DNAH1: variants seen among roughly 807,000 people sequenced by gnomAD.
DNAH1 encodes the protein dynein axonemal heavy chain 1.
A neutral mutation model predicts 484.3 loss-of-function variants in DNAH1; 327 were observed. That is an observed-to-expected ratio of 0.68 (90% CI 0.62 to 0.74). The LOEUF (loss-of-function observed/expected upper bound fraction) is 0.74. DNAH1 is among the 30% of genes least tolerant of loss of function. The pLI is 0.00. For missense variants in DNAH1, 5,052 were observed against 5,546.8 expected (o/e 0.91, Z 2.83); for synonymous variants, 2,192 against 2,191.9 (o/e 1.00, Z 0.00).
intron 8 of DNAH1, among the ~76,000 whole-genome samples, chr3:52,335,540 C>T (rs922270599): frequency 2.6e-5 from 4 of 151,670 alleles, no homozygotes; most frequent in African/African-American, 9.7e-5. Flanking sequence ...AACTCCTGAC[C>T]TCAGGTGATC....
At chr3:52,319,893 C>T (rs957394422) in intron 1 of DNAH1, among the ~76,000 whole-genome samples, 1 of 152,230 alleles carries the variant, frequency 6.6e-6, no homozygotes, top group African/African-American at 2.4e-5. Context: ...GCATCCCCCC[C>T]ACTGCCAGCT....
intron 8 of DNAH1, among the ~76,000 whole-genome samples, chr3:52,334,390 C>T (rs752265449): frequency 6.6e-6 from 1 of 152,194 alleles, no homozygotes; most frequent in Non-Finnish European, 1.5e-5. Context: ...AACGTGAAGA[C>T]CTAGGATATT....
chr3:52,341,915 G>A (rs1361732142), intron 8 of DNAH1, among the ~76,000 whole-genome samples: 1 of 152,196 alleles, frequency 6.6e-6, no homozygotes, highest in African/African-American at 2.4e-5. Flanking sequence ...TTCCAACAAA[G>A]AGCCTGCACC....
rs73072980 is a variant in DNAH1 at position 52,400,079 on chromosome 3, G to T, written c.12677-246G>T. 0.018 allele frequency among the ~76,000 whole-genome samples: 2,751 copies of T among 152,340 alleles called. 38 individuals are homozygous for T. The highest frequency in any genetic ancestry group is 0.029 in the Non-Finnish European group (1,962 of 68,016). On this transcript the variant is annotated intron_variant, in intron 77 of 77. Transcript: ENST00000420323. ...TAACTGAGGCCCAGGGCAGGAACTT[G>T]TTTGGACTAGGTCCATCAGAGAATG...
chr3:52,334,319 A>G (rs537889373), intron 8 of DNAH1, among the ~76,000 whole-genome samples: 2 of 152,356 alleles, frequency 1.3e-5, no homozygotes, highest in African/African-American at 4.8e-5. Context: ...GGCACTTACC[A>G]TGAATGGAGC....
Position 52,398,173 on chromosome 3 carries a change from C to T in DNAH1, c.12089+11C>T, listed in dbSNP as rs551683586. On this transcript the variant is annotated intron_variant, in intron 75 of 77. Coordinates refer to ENST00000420323, the MANE Select transcript of DNAH1 (RefSeq NM_015512.5). ...ACAAGAGGTCATTAGGTAATCACCCCGCCATACCCCTGCCCCGAGTCAGCG... is the reference window on the plus strand; with the variant it reads ...ACAAGAGGTCATTAGGTAATCACCCTGCCATACCCCTGCCCCGAGTCAGCG... 2.6e-5 allele frequency: 41 copies of T among 1,597,450 alleles called. No homozygotes were observed. Among genetic ancestry groups the T allele is most frequent in the Admixed American group, 8.5e-5 (5 of 59,120 alleles).
chr3:52,317,934 C>G (rs948591051), intron 1 of DNAH1: 4 of 152,704 alleles, frequency 2.6e-5, no homozygotes, highest in African/African-American at 9.6e-5. Context: ...GGTTGCGGGG[C>G]CAGCGCGGGC....
Position 52,399,200 on chromosome 3 carries a change from A to C in DNAH1, c.12440A>C (p.Lys4147Thr), listed in dbSNP as rs1704787706. 1.2e-6 allele frequency: 2 copies of C among 1,602,256 alleles called. No homozygotes were observed. The highest frequency in any genetic ancestry group is 1.7e-6 in the Non-Finnish European group (2 of 1,173,140). ...ISIDTISFDFKVMFEAPSELT... is the reference protein window; with the variant it reads ...ISIDTISFDFTVMFEAPSELT... ...ATTGACACCATCTCCTTTGATTTCA[A>C]GGTCTGGGCACAGCCAGGGCCAGGT... Residue 4147 changes from lysine (K) to threonine (T), a missense_variant and splice_region_variant, in exon 76 of 78, where the codon AAG becomes ACG. Around this residue, in one of 4 missense-constraint regions of DNAH1, gnomAD observed 853 missense variants for 899.0 expected, o/e 0.95. Transcript: ENST00000420323.
intron 46 of DNAH1, 41 bp downstream of exon 46, chr3:52,376,034 G>C (rs772744388): frequency 1.2e-6 from 2 of 1,605,212 alleles, no homozygotes; most frequent in East Asian, 4.5e-5. Context: ...CTGGTTCCAG[G>C]AGGAGCCCTG....
At chr3:52,398,815 G>GC (rs1704759180) in intron 75 of DNAH1, 35 bp from the exon 76 acceptor site, 4 of 1,474,350 alleles carry the variant, frequency 2.7e-6, no homozygotes, top group Non-Finnish European at 3.6e-6. Flanking sequence ...CGTGACCCCA[G>GC]CCCACTACCT....
intron 44 of DNAH1, 85 bp from the exon 45 acceptor site, chr3:52,375,155 T>C: frequency 4.2e-6 from 6 of 1,431,952 alleles, no homozygotes; most frequent in Non-Finnish European, 5.6e-6. Flanking sequence ...AAGTATAATT[T>C]TGAATTTTTG....
Position 52,379,992 on chromosome 3 carries a change from T to C in DNAH1, c.7465T>C (p.Phe2489Leu). 1 of 1,589,214 alleles carries C rather than the reference T, an allele frequency of 6.3e-7. No individual in the cohort carries two copies. Among genetic ancestry groups the C allele is most frequent in the Non-Finnish European group, 8.6e-7 (1 of 1,168,036 alleles). Residue 2489 changes from phenylalanine to leucine, a missense_variant, in exon 48 of 78, where the codon TTC (phenylalanine) becomes CTC (leucine). By Grantham distance (22) the Phe-to-Leu change is conservative. This residue lies in a region of DNAH1 where 2,929 missense variants were observed against 3,409.4 expected (regional missense o/e 0.86). Coordinates refer to ENST00000420323, the MANE Select transcript of DNAH1 (RefSeq NM_015512.5). This position sits in a 1 kb window ranked among gnomAD's most constrained non-coding sequence, Gnocchi z 4.4. ...RLVNEEDRSW[F>L]DQLLKRCMEQ... ...GGTGAATGAGGAGGACCGCAGCTGG[T>C]TCGACCAGCTCCTCAAGCGCTGCAT... is the stretch of plus-strand genomic sequence containing the variant.
chr3:52,311,123 G>T, the DNAH1 span, among the ~76,000 whole-genome samples: 1 of 152,218 alleles, frequency 6.6e-6, no homozygotes, highest in East Asian at 1.9e-4. Context: ...GATGACGGAG[G>T]TGTGGGCCCC....
At position 52,392,957 on chromosome 3, in the gene DNAH1, T is replaced by C. The variant is rs371681851; in HGVS notation, c.10406T>C (p.Met3469Thr). 5 of 1,613,618 alleles carry C rather than the reference T, an allele frequency of 3.1e-6. No individual in the cohort carries two copies. Among genetic ancestry groups the C allele is most frequent in the South Asian group, 1.1e-5 (1 of 91,080 alleles). Reference protein sequence around the residue: ...CVSDLANVDPMYQYSLEWFLN... With the variant: ...CVSDLANVDPTYQYSLEWFLN... ...TCCGACCTGGCCAACGTGGACCCCA[T>C]GTACCAGTACTCCCTTGAGTGGTTT... The change falls in exon 65 of 78, where the codon ATG (methionine) becomes ACG (threonine). Residue 3469 changes from methionine (M) to threonine (T), a missense_variant. Around this residue, in one of 4 missense-constraint regions of DNAH1, gnomAD observed 2,929 missense variants for 3,409.4 expected, o/e 0.86. Coordinates refer to ENST00000420323, the MANE Select transcript of DNAH1 (RefSeq NM_015512.5).
rs1353284997 is a variant in DNAH1 at position 52,396,525 on chromosome 3, A to G, written c.11417A>G (p.Asn3806Ser). 1 of 1,611,552 alleles carries G rather than the reference A, an allele frequency of 6.2e-7. No homozygotes were observed. The highest frequency in any genetic ancestry group is 2.2e-5 in the East Asian group (1 of 44,740). ...AGTAGCCTTGGTGAAGACTTCCTCA[A>G]CTCCTGCCACAAGGTGAGGCACACT... ...SYSSLGEDFL[N>S]SCHKVMEFKS... The change falls in exon 71 of 78, where the codon AAC (asparagine) becomes AGC (serine). Residue 3806 changes from asparagine (N) to serine (S), a missense_variant. Asn to Ser is a conservative substitution (Grantham distance 46). This residue lies in a region of DNAH1 where 853 missense variants were observed against 899.0 expected (regional missense o/e 0.95). Coordinates refer to ENST00000420323, the MANE Select transcript of DNAH1 (RefSeq NM_015512.5).
chr3:52,366,641 T>C (rs963558325), intron 35 of DNAH1, 92 bp from the exon 36 acceptor site: 4 of 1,553,440 alleles, frequency 2.6e-6, no homozygotes, highest in Non-Finnish European at 3.5e-6. Flanking sequence ...TTGTGCCCCT[T>C]GGCATAGAAT....
intron 46 of DNAH1, among the ~76,000 whole-genome samples, chr3:52,376,375 C>G (rs547242928): frequency 6.6e-6 from 1 of 152,308 alleles, no homozygotes; most frequent in East Asian, 1.9e-4. Flanking sequence ...TGAATCTGCC[C>G]GTCGTCGCGG....
intron 76 of DNAH1, 37 bp from the exon 77 acceptor site, chr3:52,399,508 T>C: frequency 6.5e-7 from 1 of 1,541,110 alleles, no homozygotes. Context: ...TTCTGGGTAT[T>C]GTTATGTGTG....
intron 1 of DNAH1, among the ~76,000 whole-genome samples, chr3:52,318,560 T>C (rs1701034301): frequency 6.6e-6 from 1 of 152,264 alleles, no homozygotes; most frequent in Admixed American, 6.5e-5. Flanking sequence ...GCAAGTACTT[T>C]CTAGGCACCA....
Sources: allele counts gnomAD v4.1 joint callset (sites outside exome capture counted in the v4.1 genomes callset), GRCh38; gene constraint gnomAD v4.1.1; regional missense constraint gnomAD v4.1.1; non-coding constraint Gnocchi (gnomAD v3.1); transcripts MANE v1.5; gene names NCBI Gene and HGNC (gene_info 2026-07-23, HGNC 2026-07-21).